Variants in FAAP24 observed in about 807,000 individuals in gnomAD.
FAAP24 encodes FA core complex associated protein 24, also known as Fanconi anemia core complex-associated protein 24.
FAAP24 carries 16 observed loss-of-function variants against 14.3 expected under a neutral mutation model. That is an observed-to-expected ratio of 1.12 (90% CI 0.76 to 1.69). FAAP24 has a LOEUF of 1.69. Ranked by LOEUF, FAAP24 falls within the 40% of genes most tolerant of loss-of-function variation. The pLI, the probability that FAAP24 is intolerant of heterozygous loss-of-function variation, is 0.00. For synonymous variants in FAAP24, 111 were observed against 106.2 expected, an observed-to-expected ratio of 1.04 and a Z score of -0.28; for missense variants, 234 against 262.7, an observed-to-expected ratio of 0.89 and a Z score of 0.75.
intron 4 of FAAP24, 117 bp from the exon 5 acceptor site, chr19:32,976,314 G>C (rs1971515179): frequency 7.9e-7 from 1 of 1,270,326 alleles, no homozygotes; most frequent in Non-Finnish European, 1.1e-6. Flanking sequence ...GAAAACATTT[G>C]TTCCCTTAAG....
At chr19:32,975,567 C>G (rs950449973) in intron 4 of FAAP24, among the ~76,000 whole-genome samples, 4 of 151,014 alleles carry the variant, frequency 2.6e-5, no homozygotes, top group Non-Finnish European at 5.9e-5. Flanking sequence ...TCAAGTGATT[C>G]TCCTGCCTCA....
At position 32,977,552 on chromosome 19, in the gene FAAP24, G is replaced by A. The variant is rs941207304; in HGVS notation, c.*870G>A. 5.1e-6 allele frequency: 2 copies of A among 395,578 alleles called. No homozygotes were observed. The highest frequency in any genetic ancestry group is 2.1e-5 in the African/African-American group (1 of 47,490). The allele number at this position is 395,578 out of a possible 1,614,324, so 24.5% of individuals were successfully genotyped here. ...CCCCCGGCCTTTTTTTTTGGCAGAT[G>A]TACAGTTTGTTTATAATCACTGCAT... is the stretch of plus-strand genomic sequence containing the variant. On this transcript the variant is annotated 3_prime_UTR_variant, in exon 5 of 5. Transcript: ENST00000588258.
chr19:32,972,728 T>G (rs1177150101), intron 1 of FAAP24, among the ~76,000 whole-genome samples: 1 of 143,858 alleles, frequency 7.0e-6, no homozygotes, highest in East Asian at 2.0e-4. Context: ...TTTTTTTTTT[T>G]TTTTTGAGAC....
At position 32,976,492 on chromosome 19, in the gene FAAP24, T is replaced by G; in HGVS notation, c.458T>G (p.Leu153Arg). 7 of 1,614,238 alleles carry G rather than the reference T, an allele frequency of 4.3e-6. No homozygotes were observed. The highest frequency in any genetic ancestry group is 4.2e-6 in the Non-Finnish European group (5 of 1,180,042). ...CTTCTCGGGAAGAAACGGGCCCTGC[T>G]GCTGTCTGAGCCTTCGCTCCTTCGA... ...NPLLGKKRAL[L>R]LSEPSLLRTV... is the part of the protein sequence containing the mutation. Residue 153 changes from leucine to arginine, a missense_variant, in exon 5 of 5, where the codon CTG becomes CGG. Coordinates refer to ENST00000588258, the MANE Select transcript of FAAP24 (RefSeq NM_152266.5).
intron 4 of FAAP24, among the ~76,000 whole-genome samples, chr19:32,975,677 C>T (rs7254877): frequency 0.027 from 4,043 of 151,936 alleles, 193 homozygotes; most frequent in African/African-American, 0.093. Context: ...AGGCTGGTCT[C>T]GAACTCCCGA....
intron 1 of FAAP24, among the ~76,000 whole-genome samples, chr19:32,972,725 T>TTTTTTC (rs1332466863): frequency 1.4e-4 from 20 of 145,322 alleles, no homozygotes; most frequent in African/African-American, 4.8e-4. Context: ...CTTTTTTTTT[T>TTTTTTC]TTTTTTTTGA....
intron 4 of FAAP24, among the ~76,000 whole-genome samples, chr19:32,974,997 T>C (rs967263968): frequency 6.6e-6 from 1 of 151,622 alleles, no homozygotes. Flanking sequence ...TGCCTCAGCC[T>C]CCCGAGTAGC....
rs56403853 is a variant in FAAP24 at position 32,977,052 on chromosome 19, C to CA, written c.*386dup. ...CGAGACTCCGTCTCAAAGAAAACAACAAAAAAAAAAAAAAAAGAAAAAGGA... is the reference window on the plus strand; with the variant it reads ...CGAGACTCCGTCTCAAAGAAAACAACAAAAAAAAAAAAAAAAAGAAAAAGGA... On this transcript the variant is annotated 3_prime_UTR_variant, in exon 5 of 5. Transcript: ENST00000588258. 0.36 allele frequency: 123,522 copies of CA among 347,348 alleles called. 8,721 individuals are homozygous for CA. Among genetic ancestry groups the CA allele is most frequent in the African/African-American group, 0.46 (18,470 of 39,898 alleles). 21.5% of individuals were successfully genotyped at this position (347,348 alleles called of 1,614,324 possible).
Position 32,974,191 on chromosome 19 carries a change from A to G in FAAP24, c.375A>G (p.Ala125=), listed in dbSNP as rs142823984. The part of the protein sequence containing the change: ...VLLPVASQME[A]SCLVIQLVQE... ...TTCCAGTGGCCAGCCAGATGGAAGC[A>G]TCCTGCCTCGTCATCCAGTTGGTGA... The change falls in exon 4 of 5, where the codon GCA becomes GCG. Residue 125 remains alanine (A), a synonymous_variant. Transcript: ENST00000588258. The G allele has an allele frequency of 6.1e-5, 98 of 1,613,480 alleles. No homozygotes were observed. The East Asian group carries it at 8.0e-4, about 13-fold the overall frequency.
rs1971541874 is a variant in FAAP24, at chr19:32,977,930, A to G, written c.*1248A>G. On this transcript the variant is annotated 3_prime_UTR_variant, in exon 5 of 5. Transcript: ENST00000588258. ...TGAGACTCCATCTCAAAAAAAAAAAAAAAAAATTTAAAGTTGAAAACTCAA... is the reference window on the plus strand; with the variant it reads ...TGAGACTCCATCTCAAAAAAAAAAAGAAAAAATTTAAAGTTGAAAACTCAA... 2.0e-5 allele frequency: 3 copies of G among 152,426 alleles called. 1 individual carries two copies. The highest frequency in any genetic ancestry group is 7.2e-5 in the African/African-American group (3 of 41,396). 9.4% of individuals were successfully genotyped at this position (152,426 alleles called of 1,614,324 possible).
intron 4 of FAAP24, 115 bp downstream of exon 4, chr19:32,974,327 CTCT>C: frequency 7.8e-7 from 1 of 1,276,630 alleles, no homozygotes; most frequent in Non-Finnish European, 1.1e-6. Flanking sequence ...TTTATAAAAT[CTCT>C]TCGAGGAATT....
intron 4 of FAAP24, 92 bp from the exon 5 acceptor site, chr19:32,976,339 A>C: frequency 6.7e-7 from 1 of 1,496,526 alleles, no homozygotes; most frequent in Non-Finnish European, 9.0e-7. Flanking sequence ...GCTGAGCCAA[A>C]TGGAAAAACG....
Position 32,973,542 on chromosome 19 carries a change from A to T in FAAP24, c.223A>T (p.Arg75Trp). The T allele has an allele frequency of 6.2e-7, 1 of 1,614,176 alleles. No individual in the cohort carries two copies. Among genetic ancestry groups the T allele is most frequent in the South Asian group, 1.1e-5 (1 of 91,084 alleles). ...GGTGGCAGGAAATGGCTACAGAAAG[A>T]GGCTTGTTCGGGTTAGAAATGTAAG... ...DLVAGNGYRKRLVRVRNSNNL... is the reference protein window; with the variant it reads ...DLVAGNGYRKWLVRVRNSNNL... The change falls in exon 3 of 5, where the codon AGG becomes TGG. Residue 75 changes from arginine to tryptophan, a missense_variant. Transcript: ENST00000588258.
Position 32,976,919 on chromosome 19 carries a change from TAATCCCAGCTA to T in FAAP24, c.*238_*248del, listed in dbSNP as rs1185143550. The T allele has an allele frequency of 2.1e-5, 12 of 559,494 alleles. No individual in the cohort carries two copies. Among genetic ancestry groups the T allele is most frequent in the South Asian group, 5.2e-5 (2 of 38,398 alleles). The allele number at this position is 559,494 out of a possible 1,614,324, so 34.7% of individuals were successfully genotyped here. ...AGCCAGGCATGGTGACAGGTGCCTG[TAATCCCAGCTA>T]CTTGGGAGGCCGAGGCATGAGAATC... On this transcript the variant is annotated 3_prime_UTR_variant, in exon 5 of 5. Transcript: ENST00000588258.
At chr19:32,975,434 G>T (rs558724130) in intron 4 of FAAP24, among the ~76,000 whole-genome samples, 184 of 150,496 alleles carry the variant, frequency 1.2e-3, no homozygotes, top group Middle Eastern at 7.0e-3. Flanking sequence ...GCCTCCCAAA[G>T]TTCTGGGCCA....
chr19:32,972,715 C>CTTTTT lies in FAAP24; in HGVS notation c.-14+383_-14+387dup, dbSNP rs56020597. On this transcript the variant is annotated intron_variant, in intron 1 of 4. Coordinates refer to ENST00000588258, the MANE Select transcript of FAAP24 (RefSeq NM_152266.5). Reference sequence around the variant, plus strand: ...GGCCTTTGTGTTTTCTTTTTCTTTTCTTTTTTTTTTTTTTTTTTGAGACGA... The same window carrying CTTTTT: ...GGCCTTTGTGTTTTCTTTTTCTTTTCTTTTTTTTTTTTTTTTTTTTTTTGAGACGA... 2.3e-3 allele frequency among the ~76,000 whole-genome samples: 231 copies of CTTTTT among 100,712 alleles called. 2 individuals are homozygous for CTTTTT. Among genetic ancestry groups the CTTTTT allele is most frequent in the African/African-American group, 6.7e-3 (176 of 26,198 alleles). 66.1% of individuals were successfully genotyped at this position (100,712 alleles called of 152,430 possible).
rs754284030 is a variant in FAAP24, at chr19:32,974,161, G to A, written c.345G>A (p.Val115=). ...TTACTGTGCTGGACCTTGGAATGGT[G>A]CTGCTTCCAGTGGCCAGCCAGATGG... ...QKFTVLDLGM[V]LLPVASQMEA... The change falls in exon 4 of 5, where the codon GTG becomes GTA. Residue 115 remains valine (V), a synonymous_variant. Coordinates refer to ENST00000588258, the MANE Select transcript of FAAP24 (RefSeq NM_152266.5). 4.3e-6 allele frequency: 7 copies of A among 1,614,018 alleles called. No individual in the cohort carries two copies. The South Asian group carries it at 7.7e-5, about 18-fold the overall frequency.
Position 32,977,918 on chromosome 19 carries a change from CAA to C in FAAP24, c.*1253_*1254del, listed in dbSNP as rs749285710. ...TGGATGACAGAGTGAGACTCCATCT[CAA>C]AAAAAAAAAAAAAAAATTTAAAGTT... On this transcript the variant is annotated 3_prime_UTR_variant, in exon 5 of 5. Transcript: ENST00000588258. The C allele has an allele frequency of 2.9e-4, 30 of 101,938 alleles. No individual in the cohort carries two copies. The highest frequency in any genetic ancestry group is 4.6e-4 in the Admixed American group (4 of 8,752). 6.3% of individuals were successfully genotyped at this position (101,938 alleles called of 1,614,324 possible).
intron 4 of FAAP24, among the ~76,000 whole-genome samples, chr19:32,974,838 G>A (rs1487466772): frequency 1.3e-5 from 2 of 151,152 alleles, no homozygotes; most frequent in African/African-American, 2.4e-5. Flanking sequence ...GTCTCATCCC[G>A]TATTTTTGTT....
Sources: gnomAD v4.1 joint callset for allele counts (sites outside exome capture counted in the v4.1 genomes callset) on GRCh38, gnomAD v4.1.1 for gene constraint, MANE v1.5 for transcripts, NCBI Gene and HGNC (gene_info 2026-07-23, HGNC 2026-07-21) for gene names.